The following CDKAL1 variants were observed in gnomAD, a reference collection of about 807,000 sequenced individuals.
The protein encoded by CDKAL1 is CDKAL1 threonylcarbamoyladenosine tRNA methylthiotransferase, also known as threonylcarbamoyladenosine tRNA methylthiotransferase.
A neutral mutation model predicts 68.2 loss-of-function variants in CDKAL1; 32 were observed. The ratio of observed to expected loss-of-function variants is 0.47; its 90% CI spans 0.35 to 0.63. The LOEUF (loss-of-function observed/expected upper bound fraction) is 0.63. Among genes scored for constraint, CDKAL1 ranks in the 30% least tolerant of loss-of-function variants. The pLI, the probability that CDKAL1 is intolerant of heterozygous loss-of-function variation, is 0.00. For synonymous variants in CDKAL1, 234 were observed against 244.3 expected (o/e 0.96, Z 0.39); for missense variants, 606 against 696.7 (o/e 0.87, Z 1.47).
intron 6 of CDKAL1, among the ~76,000 whole-genome samples, chr6:20,751,415 TCAGTAA>T (rs1773915481): frequency 6.6e-6 from 1 of 152,218 alleles, no homozygotes; most frequent in African/African-American, 2.4e-5. Context: ...ATTAAGTTCC[TCAGTAA>T]CAGTAGCCAC....
At chr6:20,605,322 C>G (rs566447055) in intron 4 of CDKAL1, among the ~76,000 whole-genome samples, 66 of 152,296 alleles carry the variant, frequency 4.3e-4, no homozygotes, top group African/African-American at 1.5e-3. Context: ...GAGGTTGTTT[C>G]ATCTCTGGAG....
chr6:21,113,490 C>T (rs536961609), intron 13 of CDKAL1, among the ~76,000 whole-genome samples: 19 of 151,570 alleles, frequency 1.3e-4, no homozygotes, highest in Non-Finnish European at 2.7e-4. Flanking sequence ...TACAAAAAAA[C>T]GGGGTTTTTT....
intron 9 of CDKAL1, among the ~76,000 whole-genome samples, chr6:20,942,277 C>T (rs1189961120): frequency 2.6e-5 from 4 of 151,684 alleles, no homozygotes; most frequent in Non-Finnish European, 1.5e-5. Flanking sequence ...TCCATTTCCT[C>T]TTCTTGTCCT....
intron 9 of CDKAL1, among the ~76,000 whole-genome samples, chr6:20,942,518 C>A (rs889765913): frequency 1.3e-5 from 2 of 150,746 alleles, no homozygotes; most frequent in African/African-American, 4.9e-5. Flanking sequence ...CAGTTGGGTG[C>A]CATCATGCCC....
At chr6:20,585,398 A>G (rs116060761) in intron 4 of CDKAL1, among the ~76,000 whole-genome samples, 69 of 152,156 alleles carry the variant, frequency 4.5e-4, no homozygotes, top group African/African-American at 1.5e-3. Flanking sequence ...CAACTTCCTG[A>G]TACCACGTTC....
chr6:20,899,142 G>T (rs970950666), intron 9 of CDKAL1, among the ~76,000 whole-genome samples: 3 of 149,010 alleles, frequency 2.0e-5, no homozygotes, highest in Admixed American at 1.4e-4. Context: ...TCTGCTCACT[G>T]CAAGCTCTGC....
At chr6:21,061,569 TTC>T (rs1372530077) in intron 11 of CDKAL1, among the ~76,000 whole-genome samples, 1 of 152,134 alleles carries the variant, frequency 6.6e-6, no homozygotes, top group Non-Finnish European at 1.5e-5. Flanking sequence ...TGGATTAATA[TTC>T]TGTTTTATAC....
At chr6:20,721,378 T>G (rs1164558920) in intron 5 of CDKAL1, among the ~76,000 whole-genome samples, 1 of 152,170 alleles carries the variant, frequency 6.6e-6, no homozygotes, top group Non-Finnish European at 1.5e-5. Context: ...ACATTTGGGT[T>G]GGTTCCAAGG....
At chr6:20,557,619 A>G (rs764175226) in intron 4 of CDKAL1, among the ~76,000 whole-genome samples, 1 of 152,098 alleles carries the variant, frequency 6.6e-6, no homozygotes, top group Non-Finnish European at 1.5e-5. Flanking sequence ...TCTCAAGATC[A>G]TTATTTAAAA....
intron 9 of CDKAL1, among the ~76,000 whole-genome samples, chr6:20,878,287 A>C (rs150355161): frequency 6.6e-6 from 1 of 152,304 alleles, no homozygotes; most frequent in East Asian, 1.9e-4. Context: ...GGGAACAACA[A>C]GATCGAATTT....
intron 4 of CDKAL1, among the ~76,000 whole-genome samples, chr6:20,595,021 G>A (rs1014104154): frequency 4.6e-5 from 7 of 152,140 alleles, no homozygotes; most frequent in African/African-American, 1.4e-4. Flanking sequence ...TGACTTGTAT[G>A]GTTTCTGCAA....
At chr6:20,874,182 A>G (rs16884254) in intron 9 of CDKAL1, among the ~76,000 whole-genome samples, 16,697 of 152,202 alleles carry the variant, frequency 0.11, 1,018 homozygotes, top group African/African-American at 0.15. Context: ...CCATGGAAAC[A>G]ATGGAAATGG....
chr6:21,092,011 C>T (rs1482272506), intron 12 of CDKAL1, among the ~76,000 whole-genome samples: 3 of 150,142 alleles, frequency 2.0e-5, no homozygotes, highest in African/African-American at 4.9e-5. Flanking sequence ...CTCAGCCTCC[C>T]GAGTAGCTGG....
At chr6:21,052,252 T>C (rs995727155) in intron 11 of CDKAL1, among the ~76,000 whole-genome samples, 1 of 152,248 alleles carries the variant, frequency 6.6e-6, no homozygotes, top group Non-Finnish European at 1.5e-5. Flanking sequence ...ACTTGGGAAA[T>C]AGATCCATGC....
At chr6:20,558,757 C>A in intron 4 of CDKAL1, 2 of 360,084 alleles carry the variant, frequency 5.6e-6, no homozygotes, top group Non-Finnish European at 1.1e-5. Flanking sequence ...AAAGGCGTTA[C>A]AATACATTTT....
intron 4 of CDKAL1, among the ~76,000 whole-genome samples, chr6:20,633,286 A>G (rs1276796166): frequency 6.6e-6 from 1 of 152,212 alleles, no homozygotes; most frequent in Non-Finnish European, 1.5e-5. Flanking sequence ...GTAGAATCAG[A>G]CAACCTATGT....
At chr6:20,733,176 C>T (rs1193332657) in intron 5 of CDKAL1, among the ~76,000 whole-genome samples, 2 of 152,188 alleles carry the variant, frequency 1.3e-5, no homozygotes, top group Admixed American at 6.5e-5. Context: ...CCTTGGGTCT[C>T]TTGATAAAGG....
chr6:20,669,257 T>C (rs1769696932), intron 5 of CDKAL1, among the ~76,000 whole-genome samples: 1 of 152,192 alleles, frequency 6.6e-6, no homozygotes, highest in Non-Finnish European at 1.5e-5. Context: ...AATTGTATTA[T>C]CAAGTGGTGA....
At chr6:20,709,931 G>T (rs750161461) in intron 5 of CDKAL1, among the ~76,000 whole-genome samples, 1 of 152,136 alleles carries the variant, frequency 6.6e-6, no homozygotes, top group Non-Finnish European at 1.5e-5. Flanking sequence ...TCTCTCCCGA[G>T]TATTGGCAAA....
Sources: gnomAD v4.1 joint callset for allele counts (sites outside exome capture counted in the v4.1 genomes callset) on GRCh38, gnomAD v4.1.1 for gene constraint, MANE v1.5 for transcripts, NCBI Gene and HGNC (gene_info 2026-07-23, HGNC 2026-07-21) for gene names.